NAV2: variants seen among roughly 807,000 people sequenced by gnomAD.
The protein encoded by NAV2 is neuron navigator 2, also known as helicase, APC down-regulated 1.
NAV2 carries 54 observed loss-of-function variants against 223.2 expected under a neutral mutation model. The ratio of observed to expected loss-of-function variants is 0.24; its 90% confidence interval spans 0.19 to 0.30. The LOEUF is 0.30. Ranked by LOEUF, NAV2 falls within the 10% of genes least tolerant of loss-of-function variation. The pLI is 1.00. For missense variants in NAV2, 2,806 were observed against 3,147.5 expected (o/e 0.89, Z 2.60); for synonymous variants, 1,279 against 1,239.3 (o/e 1.03, Z -0.67).
At chr11:19,671,851 GTAA>G in intron 1 of NAV2, among the ~76,000 whole-genome samples, 1 of 152,296 alleles carries the variant, frequency 6.6e-6, no homozygotes, top group South Asian at 2.1e-4. Context: ...CCTGGTTTAG[GTAA>G]ACAAACCTTT....
intron 4 of NAV2, among the ~76,000 whole-genome samples, chr11:19,872,420 A>G (rs1565469477): frequency 6.6e-6 from 1 of 152,262 alleles, no homozygotes; most frequent in Non-Finnish European, 1.5e-5. Context: ...AACTACCCAC[A>G]TCTGCTGATT....
At chr11:19,989,622 T>C (rs533925150) in intron 11 of NAV2, among the ~76,000 whole-genome samples, 1 of 152,188 alleles carries the variant, frequency 6.6e-6, no homozygotes. Flanking sequence ...CAGAAGGTAA[T>C]AAAACCAGTA....
chr11:19,376,398 C>T (rs1237817697), intron 1 of NAV2, among the ~76,000 whole-genome samples: 1 of 152,182 alleles, frequency 6.6e-6, no homozygotes, highest in African/African-American at 2.4e-5. Context: ...AATCTCATGA[C>T]AACCTTGAGA....
intron 1 of NAV2, among the ~76,000 whole-genome samples, chr11:19,598,810 G>A (rs1484578030): frequency 6.6e-6 from 1 of 152,096 alleles, no homozygotes; most frequent in Non-Finnish European, 1.5e-5. Context: ...TTAGAGAATG[G>A]GATGCTTCAC....
At chr11:20,078,205 T>C in intron 24 of NAV2, 101 bp downstream of exon 24, 3 of 849,342 alleles carry the variant, frequency 3.5e-6, no homozygotes, top group South Asian at 3.1e-5. Context: ...AGACAGTGTC[T>C]GCGTAATTCA....
At chr11:19,516,638 T>C (rs4757819) in intron 1 of NAV2, among the ~76,000 whole-genome samples, 46,905 of 152,110 alleles carry the variant, frequency 0.31, 8,248 homozygotes, top group Admixed American at 0.4. Context: ...AGAATGCACT[T>C]GCAATTTTGG....
At chr11:19,841,033 C>T (rs1286447334) in intron 2 of NAV2, among the ~76,000 whole-genome samples, 1 of 152,168 alleles carries the variant, frequency 6.6e-6, no homozygotes, top group African/African-American at 2.4e-5. Flanking sequence ...CTTGTTTGTG[C>T]TTTTCATGGC....
rs1268441003 is a variant in NAV2, at chr11:19,897,904, A to ATATATATATATATATATATATGTG, written c.931+5311_931+5312insATATATATATATATATATATGTGT. On this transcript the variant is annotated intron_variant, in intron 6 of 37. Coordinates refer to ENST00000349880, the MANE Select transcript of NAV2 (RefSeq NM_145117.5). The stretch of plus-strand genomic sequence containing the variant: ...CTGTGATTTATATATATATATATAT[A>ATATATATATATATATATATATGTG]TGTGAGCAGATTTGCCCGCAGGAAG... 2.0e-4 allele frequency among the ~76,000 whole-genome samples: 30 copies of ATATATATATATATATATATATGTG among 147,676 alleles called. 1 individual carries two copies. The highest frequency in any genetic ancestry group is 7.7e-4 in the African/African-American group (30 of 38,944).
intron 1 of NAV2, among the ~76,000 whole-genome samples, chr11:19,617,890 G>T (rs2046846097): frequency 6.6e-6 from 1 of 151,924 alleles, no homozygotes; most frequent in Admixed American, 6.6e-5. Flanking sequence ...CCCACTTCAG[G>T]GCCTTTGCAC....
intron 19 of NAV2, 30 bp from the exon 20 acceptor site, chr11:20,062,277 T>C: frequency 6.3e-7 from 1 of 1,577,790 alleles, no homozygotes. Flanking sequence ...CAGCCATCTA[T>C]CAATTCACCT....
intron 1 of NAV2, among the ~76,000 whole-genome samples, chr11:19,622,946 G>T (rs559633377): frequency 5.3e-5 from 8 of 152,228 alleles, no homozygotes; most frequent in African/African-American, 1.4e-4. Flanking sequence ...AGGAGCTCTT[G>T]TAAGACAGGC....
At chr11:20,082,314 G>A (rs1258917782) in intron 25 of NAV2, among the ~76,000 whole-genome samples, 1 of 152,182 alleles carries the variant, frequency 6.6e-6, no homozygotes, top group Non-Finnish European at 1.5e-5. Flanking sequence ...ACAGGAAGGT[G>A]GGAGGCAGCC....
At chr11:19,851,525 T>C (rs2061128730) in intron 3 of NAV2, among the ~76,000 whole-genome samples, 1 of 152,148 alleles carries the variant, frequency 6.6e-6, no homozygotes, top group African/African-American at 2.4e-5. Flanking sequence ...GAGTCTGTCT[T>C]CTCATCTGGA....
At chr11:20,066,745 A>T (rs1012277510) in intron 20 of NAV2, among the ~76,000 whole-genome samples, 2 of 152,188 alleles carry the variant, frequency 1.3e-5, no homozygotes, top group Non-Finnish European at 2.9e-5. Flanking sequence ...ATTTTTAAAA[A>T]ATAATGGGCT....
chr11:19,976,944 T>C (rs1052865227), intron 10 of NAV2, among the ~76,000 whole-genome samples: 25 of 152,314 alleles, frequency 1.6e-4, no homozygotes, highest in African/African-American at 5.3e-4. Context: ...TTACTCACGA[T>C]GTACATTGAA....
chr11:19,844,339 A>G (rs781148509), intron 3 of NAV2, among the ~76,000 whole-genome samples: 3 of 152,208 alleles, frequency 2.0e-5, no homozygotes, highest in Non-Finnish European at 4.4e-5. Context: ...ATGTGTGTGT[A>G]GAACTGGTAT....
chr11:20,005,255 T>TATATA (rs1565747945), intron 11 of NAV2, among the ~76,000 whole-genome samples: 19 of 9,404 alleles, frequency 2.0e-3, no homozygotes, highest in Admixed American at 4.4e-3. Flanking sequence ...ATATATATAT[T>TATATA]TTTTTTTTTT....
chr11:19,874,967 G>A (rs1396790733), intron 4 of NAV2, among the ~76,000 whole-genome samples: 1 of 152,180 alleles, frequency 6.6e-6, no homozygotes, highest in Non-Finnish European at 1.5e-5. Context: ...GACCAGCCTG[G>A]CCAATGTGGT....
chr11:20,023,122 A>C, intron 11 of NAV2: 1 of 1,551,874 alleles, frequency 6.4e-7, no homozygotes, highest in Non-Finnish European at 8.7e-7. Flanking sequence ...CTGGCCTAGG[A>C]ACCTTACAAG....
Sources: allele counts gnomAD v4.1 joint callset (sites outside exome capture counted in the v4.1 genomes callset), GRCh38; gene constraint gnomAD v4.1.1; transcripts MANE v1.5; gene names NCBI Gene and HGNC (gene_info 2026-07-23, HGNC 2026-07-21).